Variants in CACNB4 observed in about 807,000 individuals in gnomAD.
The protein encoded by CACNB4 is calcium voltage-gated channel auxiliary subunit beta 4.
In CACNB4, 32 loss-of-function variants were observed where a neutral mutation model predicts 71.2. The observed-to-expected ratio is 0.45, with a 90% CI of 0.34 to 0.60. CACNB4 has a LOEUF of 0.60. Among genes scored for constraint, CACNB4 ranks in the 20% least tolerant of loss-of-function variants. The pLI is 0.01. For synonymous variants in CACNB4, 231 were observed against 236.9 expected (o/e 0.97, Z 0.23); for missense variants, 464 against 647.9 (o/e 0.72, Z 3.08).
chr2:152,083,261 CAT>C (rs1491271886), intron 2 of CACNB4, among the ~76,000 whole-genome samples: 21 of 151,614 alleles, frequency 1.4e-4, no homozygotes, highest in Admixed American at 3.3e-4. Context: ...CACGTGTACA[CAT>C]GTGTGTGTGT....
Position 152,045,162 on chromosome 2 carries a change from A to AT in CACNB4, c.147+53167dup, listed in dbSNP as rs527360003. 2.6e-5 allele frequency among the ~76,000 whole-genome samples: 4 copies of AT among 152,122 alleles called. No homozygotes were observed. The South Asian group carries it at 8.3e-4, about 32-fold the overall frequency. On this transcript the variant is annotated intron_variant, in intron 2 of 13. Transcript: ENST00000539935. ...GGATATGGAGAGGCATCATTGGCCA[A>AT]TTTTTTTTCAGTGCTTTCACATGCA...
chr2:151,863,301 G>A (rs7570479), intron 9 of CACNB4, among the ~76,000 whole-genome samples: 21,496 of 152,016 alleles, frequency 0.14, 2,489 homozygotes, highest in East Asian at 0.49. Flanking sequence ...CCTGACCTCA[G>A]GTGATCTACC....
chr2:151,930,770 A>G (rs1051751989), intron 2 of CACNB4, among the ~76,000 whole-genome samples: 1 of 152,182 alleles, frequency 6.6e-6, no homozygotes, highest in Non-Finnish European at 1.5e-5. Flanking sequence ...ATTTATTTTT[A>G]CATATGTATG....
intron 13 of CACNB4, among the ~76,000 whole-genome samples, chr2:151,840,524 C>G (rs2099835901): frequency 6.6e-6 from 1 of 152,184 alleles, no homozygotes; most frequent in Admixed American, 6.5e-5. Flanking sequence ...CAGAGCCAAT[C>G]CACACTAGTC....
At chr2:151,848,766 A>G (rs1427181941) in intron 12 of CACNB4, among the ~76,000 whole-genome samples, 1 of 152,176 alleles carries the variant, frequency 6.6e-6, no homozygotes, top group Admixed American at 6.5e-5. Context: ...CACAAGCCAG[A>G]TTGTAACTAA....
intron 4 of CACNB4, 59 bp downstream of exon 4, chr2:151,880,741 G>A (rs1156363350): frequency 1.3e-6 from 2 of 1,575,368 alleles, no homozygotes; most frequent in Non-Finnish European, 1.7e-6. Context: ...TTGGCTCAGA[G>A]CTGATTCCTG....
At chr2:152,029,241 T>A (rs908948059) in intron 2 of CACNB4, among the ~76,000 whole-genome samples, 7 of 151,918 alleles carry the variant, frequency 4.6e-5, no homozygotes, top group Non-Finnish European at 1.0e-4. Context: ...ACGCCTGTAA[T>A]CCCAGCACTT....
Position 151,860,401 on chromosome 2 carries a change from C to T in CACNB4, c.868+310G>A, listed in dbSNP as rs76170319. Reference sequence around the variant, plus strand: ...CTCAGGTATGACAGATATCATTAGCCTTGTTGAGAAGCTGAGCAAAGTGGA... The same window carrying T: ...CTCAGGTATGACAGATATCATTAGCTTTGTTGAGAAGCTGAGCAAAGTGGA... On this transcript the variant is annotated intron_variant, in intron 10 of 13. Transcript: ENST00000539935. The T allele has an allele frequency of 1.5e-3, 597 of 385,662 alleles. 6 individuals carry two copies. Among genetic ancestry groups the T allele is most frequent in the African/African-American group, 0.012 (566 of 47,196 alleles). 23.9% of individuals were successfully genotyped at this position (385,662 alleles called of 1,614,324 possible).
intron 10 of CACNB4, among the ~76,000 whole-genome samples, chr2:151,856,224 T>C (rs1003862872): frequency 6.6e-6 from 1 of 150,764 alleles, no homozygotes; most frequent in Non-Finnish European, 1.5e-5. Flanking sequence ...AAGTTTTATA[T>C]ATATATATAT....
At position 152,098,272 on chromosome 2, in the gene CACNB4, C is replaced by A; in HGVS notation, c.147+58G>T. 2 of 1,400,812 alleles carry A rather than the reference C, an allele frequency of 1.4e-6. No homozygotes were observed. Among genetic ancestry groups the A allele is most frequent in the South Asian group, 1.2e-5 (1 of 86,660 alleles). The allele number at this position is 1,400,812 out of a possible 1,614,324, so 86.8% of individuals were successfully genotyped here. A position where few individuals can be genotyped will look rare whatever the true frequency, so the allele number is the denominator to read the frequency against. ...GTGTGGGCCACGGCCGGCTCCAGGA[C>A]CCCCGCGCCGCGCGCTCGGCCTCCT... On this transcript the variant is annotated intron_variant, in intron 2 of 13. Transcript: ENST00000539935. The surrounding 1 kb of genome is among the most constrained non-coding windows in gnomAD (Gnocchi z 5.3).
intron 2 of CACNB4, among the ~76,000 whole-genome samples, chr2:151,991,722 A>T (rs1269124562): frequency 3.3e-5 from 5 of 151,656 alleles, no homozygotes; most frequent in Non-Finnish European, 5.9e-5. Flanking sequence ...TCCATTTTTT[A>T]AAAAAATCGT....
At chr2:151,942,934 T>C (rs1305361192) in intron 2 of CACNB4, among the ~76,000 whole-genome samples, 1 of 152,258 alleles carries the variant, frequency 6.6e-6, no homozygotes, top group Non-Finnish European at 1.5e-5. Context: ...TCAGTAGTTC[T>C]GCTTTTTCCC....
chr2:152,069,999 C>T (rs9712147), intron 2 of CACNB4, among the ~76,000 whole-genome samples: 22 of 151,668 alleles, frequency 1.5e-4, no homozygotes, highest in African/African-American at 4.1e-4. Flanking sequence ...CCCGCCACTA[C>T]GCCTGGCTAA....
Position 151,881,075 on chromosome 2 carries a change from G to A in CACNB4, c.268-153C>T, listed in dbSNP as rs1287576984. On this transcript the variant is annotated intron_variant, in intron 3 of 13. Coordinates refer to ENST00000539935, the MANE Select transcript of CACNB4 (RefSeq NM_000726.5). ...ATTCTCAAGCAATATCAAGAAACCT[G>A]CAGAGATGACTCTGAAAATGATTGG... Among the ~76,000 whole-genome samples, 9 of 152,146 alleles carry A rather than the reference G, an allele frequency of 5.9e-5. 1 individual carries two copies. The highest frequency in any genetic ancestry group is 1.5e-5 in the Non-Finnish European group (1 of 68,034).
intron 2 of CACNB4, among the ~76,000 whole-genome samples, chr2:152,012,855 G>A (rs183062559): frequency 1.3e-5 from 2 of 152,090 alleles, no homozygotes; most frequent in Non-Finnish European, 2.9e-5. Context: ...GTCTACAGTA[G>A]TGGACAGTAA....
chr2:152,036,758 T>TTC, intron 2 of CACNB4, among the ~76,000 whole-genome samples: 1 of 152,206 alleles, frequency 6.6e-6, no homozygotes, highest in Admixed American at 6.5e-5. Context: ...TCAGACCATG[T>TTC]TTAGAGTATT....
chr2:151,855,268 A>G lies in CACNB4; in HGVS notation c.976T>C (p.Ser326Pro). 6.3e-7 allele frequency: 1 copy of G among 1,575,756 alleles called. No homozygotes were observed. The highest frequency in any genetic ancestry group is 1.1e-5 in the South Asian group (1 of 87,402). Residue 326 changes from serine to proline, a missense_variant, in exon 11 of 14, where the codon TCC becomes CCC. Coordinates refer to ENST00000539935, the MANE Select transcript of CACNB4 (RefSeq NM_000726.5). ...ACATGAACAATAATTGGTGCTAAGG[A>G]AGTCTTTATAAGTTGTGCTGGGTGA... is the stretch of plus-strand genomic sequence containing the variant. Reference protein sequence around the residue: ...INHPAQLIKTSLAPIIVHVKV... With the variant: ...INHPAQLIKTPLAPIIVHVKV...
At chr2:152,094,865 T>C (rs1688183481) in intron 2 of CACNB4, among the ~76,000 whole-genome samples, 1 of 152,228 alleles carries the variant, frequency 6.6e-6, no homozygotes, top group East Asian at 1.9e-4. Flanking sequence ...GAAAATTCTA[T>C]GGCCTCATTT....
chr2:152,060,585 G>A (rs1685955611), intron 2 of CACNB4, among the ~76,000 whole-genome samples: 1 of 152,214 alleles, frequency 6.6e-6, no homozygotes, highest in South Asian at 2.1e-4. Context: ...TGAGGGAGCA[G>A]TGTACATTAG....
Sources: allele counts gnomAD v4.1 joint callset (sites outside exome capture counted in the v4.1 genomes callset), GRCh38; gene constraint gnomAD v4.1.1; non-coding constraint Gnocchi (gnomAD v3.1); transcripts MANE v1.5; gene names NCBI Gene and HGNC (gene_info 2026-07-23, HGNC 2026-07-21).